Variants in SLC12A6 observed in about 807,000 individuals in gnomAD.
The protein encoded by SLC12A6 is K-Cl cotransporter 3.
SLC12A6 carries 66 observed loss-of-function variants against 135.3 expected under a neutral mutation model. The ratio of observed to expected loss-of-function variants is 0.49; its 90% CI spans 0.40 to 0.60. The LOEUF (loss-of-function observed/expected upper bound fraction) is 0.60, where lower values mean the gene tolerates loss of function less well. Among genes scored for constraint, SLC12A6 ranks in the 20% least tolerant of loss-of-function variants. SLC12A6 has a pLI of 0.00. For synonymous variants in SLC12A6, 513 were observed against 508.8 expected (o/e 1.01, Z -0.11); for missense variants, 1,058 against 1,452.3 (o/e 0.73, Z 4.41).
chr15:34,337,146 A>G (rs1890254012), intron 1 of SLC12A6, 186 bp downstream of exon 1: 2 of 266,958 alleles, frequency 7.5e-6, no homozygotes, highest in Non-Finnish European at 1.5e-5. Flanking sequence ...AACCTTTATC[A>G]GGCGACTATA....
intron 2 of SLC12A6, among the ~76,000 whole-genome samples, chr15:34,285,273 T>C (rs74010055): frequency 0.015 from 2,345 of 152,250 alleles, 71 homozygotes; most frequent in African/African-American, 0.054. Flanking sequence ...AGATCAGAAA[T>C]ACTAGAGGTA....
Position 34,233,876 on chromosome 15 carries a change from G to A in SLC12A6, c.*5C>T. 6.6e-7 allele frequency: 1 copy of A among 1,512,476 alleles called. No homozygotes were observed. Among genetic ancestry groups the A allele is most frequent in the Non-Finnish European group, 9.2e-7 (1 of 1,087,144 alleles). 93.7% of individuals were successfully genotyped at this position (1,512,476 alleles called of 1,614,324 possible). A position where few individuals can be genotyped will look rare whatever the true frequency, so the allele number is the denominator to read the frequency against. ...AACAGGTCAAGCACGGTCATTCAGA[G>A]TAGGTTATGAATAAATGGTGATCAC... On this transcript the variant is annotated 3_prime_UTR_variant, in exon 26 of 26. Transcript: ENST00000354181.
At chr15:34,318,612 C>G in intron 2 of SLC12A6, 3 of 1,613,942 alleles carry the variant, frequency 1.9e-6, no homozygotes, top group Non-Finnish European at 2.5e-6. Context: ...AAACTAGGCT[C>G]TTGAGAGATC....
At chr15:34,246,786 A>C (rs1472398606) in intron 13 of SLC12A6, among the ~76,000 whole-genome samples, 1 of 152,102 alleles carries the variant, frequency 6.6e-6, no homozygotes, top group East Asian at 1.9e-4. Context: ...GGCTGGGACC[A>C]CAAGTGTGTG....
chr15:34,265,612 T>C (rs971240636), intron 3 of SLC12A6, among the ~76,000 whole-genome samples: 4 of 152,154 alleles, frequency 2.6e-5, no homozygotes, highest in African/African-American at 9.6e-5. Flanking sequence ...TACTTGACAA[T>C]TTCTGTGGTA....
chr15:34,268,620 A>G (rs1026015045), intron 3 of SLC12A6, among the ~76,000 whole-genome samples: 3 of 152,194 alleles, frequency 2.0e-5, no homozygotes, highest in Admixed American at 6.5e-5. Flanking sequence ...TCAGCCTTCA[A>G]AAGTTTAGGT....
Position 34,230,141 on chromosome 15 carries a change from A to G in SLC12A6, c.*3740T>C. 1 of 251,510 alleles carries G rather than the reference A, an allele frequency of 4.0e-6. No homozygotes were observed. The highest frequency in any genetic ancestry group is 7.5e-6 in the Non-Finnish European group (1 of 133,290). The allele number at this position is 251,510 out of a possible 1,614,324, so 15.6% of individuals were successfully genotyped here. A position where few individuals can be genotyped will look rare whatever the true frequency, so the allele number is the denominator to read the frequency against. On this transcript the variant is annotated 3_prime_UTR_variant, in exon 26 of 26. Transcript: ENST00000354181. The stretch of plus-strand genomic sequence containing the variant: ...CTTTCAATAAATTAAATGGTTGAGA[A>G]CAATGCATAAAAAAAGTTGCACAAG...
intron 3 of SLC12A6, among the ~76,000 whole-genome samples, chr15:34,272,039 G>C (rs983154379): frequency 4.6e-5 from 7 of 151,762 alleles, no homozygotes; most frequent in African/African-American, 1.7e-4. Flanking sequence ...GCAGTGGTGC[G>C]ATCTTGGCTC....
intron 2 of SLC12A6, chr15:34,318,700 T>C (rs763514229): frequency 8.1e-6 from 13 of 1,613,254 alleles, no homozygotes; most frequent in African/African-American, 1.3e-5. Flanking sequence ...GATAATACTT[T>C]GCTCTTTCTG....
Position 34,315,432 on chromosome 15 carries a change from T to A in SLC12A6, c.271+20978A>T, listed in dbSNP as rs545335712. Among the ~76,000 whole-genome samples the A allele has an allele frequency of 8.5e-5, 13 of 152,162 alleles. No homozygotes were observed. In the East Asian group the frequency reaches 2.5e-3, roughly 29 times the overall value. On this transcript the variant is annotated intron_variant, in intron 2 of 25. Transcript: ENST00000354181. ...ATTAGCATTTTTTGGTAATAAAGTA[T>A]ATTTTAGAGCCAGGAATGGTAGTAC...
chr15:34,330,979 T>C (rs1024955464), intron 2 of SLC12A6, among the ~76,000 whole-genome samples: 3 of 151,728 alleles, frequency 2.0e-5, no homozygotes, highest in Non-Finnish European at 4.4e-5. Context: ...GAGGCGGAGG[T>C]TGCAATGAGT....
intron 2 of SLC12A6, among the ~76,000 whole-genome samples, chr15:34,302,510 A>G (rs1896322880): frequency 6.6e-6 from 1 of 152,070 alleles, no homozygotes; most frequent in Non-Finnish European, 1.5e-5. Flanking sequence ...AGCCTGTCCA[A>G]CATGGTGAAA....
At chr15:34,314,576 T>C (rs953815452) in intron 2 of SLC12A6, among the ~76,000 whole-genome samples, 26 of 152,224 alleles carry the variant, frequency 1.7e-4, no homozygotes, top group Non-Finnish European at 2.6e-4. Context: ...CCAAGTCTTA[T>C]TACTTATGAA....
At chr15:34,279,242 A>T (rs1469446570) in intron 2 of SLC12A6, among the ~76,000 whole-genome samples, 1 of 152,030 alleles carries the variant, frequency 6.6e-6, no homozygotes. Context: ...TGAACCTGGG[A>T]GGCGGAGGTT....
intron 2 of SLC12A6, among the ~76,000 whole-genome samples, chr15:34,320,422 C>T (rs989560522): frequency 2.0e-5 from 3 of 151,574 alleles, no homozygotes; most frequent in African/African-American, 4.9e-5. Context: ...TTCATTCATA[C>T]GTAGGAGCTA....
At chr15:34,310,731 G>C (rs554846610) in intron 2 of SLC12A6, among the ~76,000 whole-genome samples, 6 of 122,200 alleles carry the variant, frequency 4.9e-5, no homozygotes, top group African/African-American at 2.0e-4. Flanking sequence ...GTGTGTGTGT[G>C]TCCCCGTGTC....
rs762365476 is a variant in SLC12A6, at chr15:34,241,267, A to G, written c.2233T>C (p.Leu745=). The change falls in exon 18 of 26, where the codon TTG becomes CTG. Residue 745 remains leucine (L), a synonymous_variant. Coordinates refer to ENST00000354181, the MANE Select transcript of SLC12A6 (RefSeq NM_001365088.1). ...LSAARFALLR[L]EEGPPHTKNW... ...TTAGTGTGTGGAGGTCCTTCCTCCA[A>G]TCGAAGCAAAGCAAACCGGGCTGCA... 2 of 1,609,340 alleles carry G rather than the reference A, an allele frequency of 1.2e-6. No individual in the cohort carries two copies. The highest frequency in any genetic ancestry group is 1.1e-5 in the South Asian group (1 of 90,982).
At chr15:34,275,992 C>T (rs779120654) in intron 2 of SLC12A6, among the ~76,000 whole-genome samples, 35 of 151,990 alleles carry the variant, frequency 2.3e-4, no homozygotes, top group Admixed American at 9.2e-4. Context: ...AAGAGTACAG[C>T]GTTTCTGTTT....
At chr15:34,258,076 A>C (rs1314898841) in intron 5 of SLC12A6, among the ~76,000 whole-genome samples, 5 of 152,194 alleles carry the variant, frequency 3.3e-5, no homozygotes, top group African/African-American at 1.2e-4. Context: ...CACCCACAAC[A>C]ATTTAAAATT....
Sources: allele counts gnomAD v4.1 joint callset (sites outside exome capture counted in the v4.1 genomes callset), GRCh38; gene constraint gnomAD v4.1.1; transcripts MANE v1.5; gene names NCBI Gene and HGNC (gene_info 2026-07-23, HGNC 2026-07-21).